Variants in TENM3 observed in about 807,000 individuals in gnomAD.
TENM3 encodes the protein teneurin transmembrane protein 3.
TENM3 carries 63 observed loss-of-function variants against 255.1 expected under a neutral mutation model. The ratio of observed to expected loss-of-function variants is 0.25; its 90% confidence interval spans 0.20 to 0.30. The LOEUF (loss-of-function observed/expected upper bound fraction) is 0.30. TENM3 is among the 10% of genes least tolerant of loss of function. The pLI is 1.00. For missense variants in TENM3, 2,929 were observed against 3,461.1 expected, an observed-to-expected ratio of 0.85 and a Z score of 3.86; for synonymous variants, 1,306 against 1,322.3, an observed-to-expected ratio of 0.99 and a Z score of 0.27.
chr4:182,017,242 G>C, the TENM3 span, among the ~76,000 whole-genome samples: 23 of 152,204 alleles, frequency 1.5e-4, no homozygotes, highest in Non-Finnish European at 2.9e-4. Flanking sequence ...GCCACACGCC[G>C]TGCTTCGCCC....
chr4:181,468,806 T>C, the TENM3 span, among the ~76,000 whole-genome samples: 4 of 152,244 alleles, frequency 2.6e-5, no homozygotes, highest in Non-Finnish European at 5.9e-5. Flanking sequence ...GCCTTTGCAC[T>C]CACTGATTTA....
the TENM3 span, among the ~76,000 whole-genome samples, chr4:181,698,202 A>G: frequency 1.2e-4 from 16 of 136,658 alleles, no homozygotes; most frequent in African/African-American, 4.3e-4. Flanking sequence ...TGACAGTGTG[A>G]GACTCTGTCT....
At chr4:181,465,957 AACTCTTCAGTTG>A in the TENM3 span, among the ~76,000 whole-genome samples, 9 of 152,174 alleles carry the variant, frequency 5.9e-5, no homozygotes, top group South Asian at 1.9e-3. Context: ...ACTTATTTAA[AACTCTTCAGTTG>A]ACTCCACACT....
In TENM3 at chr4:182,263,578, G is replaced by A. The variant is rs576781000; in HGVS notation, c.-76+20102G>A. 6.6e-4 allele frequency among the ~76,000 whole-genome samples: 92 copies of A among 138,784 alleles called. 2 individuals carry two copies. The South Asian group carries it at 0.019, about 29-fold the overall frequency. 91.0% of individuals were successfully genotyped at this position (138,784 alleles called of 152,430 possible). A position where few individuals can be genotyped will look rare whatever the true frequency, so the allele number is the denominator to read the frequency against. On this transcript the variant is annotated intron_variant, in intron 1 of 27. Transcript: ENST00000511685. ...CGGGATTAGGCATGTACAGGATTGA[G>A]GGACATGGGCAATTCCCCCCCCTAC... is the stretch of plus-strand genomic sequence containing the variant.
chr4:181,541,849 A>G, the TENM3 span, among the ~76,000 whole-genome samples: 1 of 152,318 alleles, frequency 6.6e-6, no homozygotes, highest in Admixed American at 6.5e-5. Context: ...TTAGACCTCC[A>G]GTTCTGGGTC....
chr4:181,836,279 T>C, the TENM3 span, among the ~76,000 whole-genome samples: 10 of 152,274 alleles, frequency 6.6e-5, no homozygotes, highest in East Asian at 1.9e-3. Context: ...ACTGAATTAT[T>C]TGAGATACTA....
intron 13 of TENM3, among the ~76,000 whole-genome samples, chr4:182,725,042 T>G (rs960375443): frequency 4.6e-5 from 7 of 150,864 alleles, no homozygotes; most frequent in Non-Finnish European, 8.9e-5. Context: ...ATTTTTTGGT[T>G]TGTTTGTTGT....
chr4:182,001,664 G>A, the TENM3 span, among the ~76,000 whole-genome samples: 1 of 152,098 alleles, frequency 6.6e-6, no homozygotes, highest in Admixed American at 6.6e-5. Flanking sequence ...GCAGGTACTT[G>A]AGGAGCGACT....
chr4:181,727,738 G>A, the TENM3 span, among the ~76,000 whole-genome samples: 97 of 152,250 alleles, frequency 6.4e-4, no homozygotes, highest in African/African-American at 2.2e-3. Context: ...AAGCCTCCTT[G>A]AGACTTCTCT....
At chr4:182,638,700 G>A (rs1428141173) in intron 5 of TENM3, among the ~76,000 whole-genome samples, 1 of 152,098 alleles carries the variant, frequency 6.6e-6, no homozygotes, top group East Asian at 1.9e-4. Flanking sequence ...TCCTCTTCTG[G>A]TGGCTGTCCA....
the TENM3 span, among the ~76,000 whole-genome samples, chr4:182,101,084 G>GAA: frequency 0.036 from 141 of 3,884 alleles, 37 homozygotes; most frequent in African/African-American, 0.059. Flanking sequence ...GGAAGGGAGG[G>GAA]AGGGAGGGAG....
At chr4:181,894,464 TG>T in the TENM3 span, among the ~76,000 whole-genome samples, 1 of 152,212 alleles carries the variant, frequency 6.6e-6, no homozygotes, top group African/African-American at 2.4e-5. Context: ...TGTTGGCAGC[TG>T]ATAAACCCAT....
At chr4:182,727,701 T>C (rs970718130) in intron 13 of TENM3, among the ~76,000 whole-genome samples, 2 of 152,144 alleles carry the variant, frequency 1.3e-5, no homozygotes, top group African/African-American at 4.8e-5. Context: ...CAATTTTTCA[T>C]GATGGATTTC....
At chr4:181,928,192 C>A in the TENM3 span, among the ~76,000 whole-genome samples, 2 of 152,118 alleles carry the variant, frequency 1.3e-5, no homozygotes, top group Admixed American at 1.3e-4. Context: ...GATGAATTAA[C>A]AGAAGTAGGC....
At chr4:182,170,053 C>T (rs1304821537) in intron 1 of TENM3, among the ~76,000 whole-genome samples, 1 of 150,572 alleles carries the variant, frequency 6.6e-6, no homozygotes, top group Non-Finnish European at 1.5e-5. Context: ...TACTAGATCG[C>T]AACTGATTTT....
At chr4:182,066,765 G>C in the TENM3 span, among the ~76,000 whole-genome samples, 3 of 151,852 alleles carry the variant, frequency 2.0e-5, no homozygotes, top group Non-Finnish European at 4.4e-5. Context: ...AAAAAAATTA[G>C]CCGGGCGTGG....
chr4:181,892,937 A>G, the TENM3 span, among the ~76,000 whole-genome samples: 7 of 152,198 alleles, frequency 4.6e-5, no homozygotes, highest in Non-Finnish European at 7.3e-5. Context: ...ACCATTTTAA[A>G]TGTGTGAATT....
At chr4:182,386,512 GT>G (rs1435856711) in intron 3 of TENM3, among the ~76,000 whole-genome samples, 5 of 152,222 alleles carry the variant, frequency 3.3e-5, no homozygotes, top group Non-Finnish European at 1.5e-5. Context: ...CCCTTTCTGG[GT>G]TGACCAAGGC....
At chr4:181,656,767 A>G in the TENM3 span, among the ~76,000 whole-genome samples, 2 of 105,210 alleles carry the variant, frequency 1.9e-5, no homozygotes. Flanking sequence ...AAACTGACAA[A>G]GAAGAGTTGC....
Sources: gnomAD v4.1 joint callset for allele counts (sites outside exome capture counted in the v4.1 genomes callset) on GRCh38, gnomAD v4.1.1 for gene constraint, MANE v1.5 for transcripts, NCBI Gene and HGNC (gene_info 2026-07-23, HGNC 2026-07-21) for gene names.